The following ALG9 variants were observed in gnomAD, a reference collection of about 807,000 sequenced individuals.
The protein encoded by ALG9 is ALG9 alpha-1,2-mannosyltransferase.
In ALG9, 55 loss-of-function variants were observed where a neutral mutation model predicts 81.8. That is an observed-to-expected ratio of 0.67 (90% CI 0.54 to 0.84). The LOEUF is 0.84. ALG9 is among the 40% of genes least tolerant of loss of function. The pLI is 0.00. For missense variants in ALG9, 629 were observed against 745.0 expected, an observed-to-expected ratio of 0.84 and a Z score of 1.81; for synonymous variants, 278 against 274.3, an observed-to-expected ratio of 1.01 and a Z score of -0.13.
chr11:111,827,350 C>T (rs1953505967), intron 13 of ALG9, among the ~76,000 whole-genome samples: 1 of 152,078 alleles, frequency 6.6e-6, no homozygotes, highest in Non-Finnish European at 1.5e-5. Context: ...GTGGCGCATG[C>T]CTGTAATCCC....
chr11:111,871,559 G>C lies in ALG9; in HGVS notation c.-77C>G, dbSNP rs1964293399. ...CAGACATAGCTTTGGCTGGCAAACG[G>C]TGTCCGCCGAGGGACAAAAGACCTT... On this transcript the variant is annotated 5_prime_UTR_variant, in exon 1 of 15. Coordinates refer to ENST00000616540, the MANE Select transcript of ALG9 (RefSeq NM_024740.2). 6.5e-7 allele frequency: 1 copy of C among 1,532,796 alleles called. No individual in the cohort carries two copies. 94.9% of individuals were successfully genotyped at this position (1,532,796 alleles called of 1,614,324 possible). A position where few individuals can be genotyped will look rare whatever the true frequency, so the allele number is the denominator to read the frequency against.
intron 9 of ALG9, among the ~76,000 whole-genome samples, chr11:111,842,794 G>A (rs2136915390): frequency 6.6e-6 from 1 of 152,140 alleles, no homozygotes; most frequent in Admixed American, 6.5e-5. Flanking sequence ...AACAGAAAAT[G>A]TTTTCTTACT....
At chr11:111,778,120 C>T (rs1197513731), downstream of ALG9, 1 of 152,112 alleles carries the variant, frequency 6.6e-6, no homozygotes, top group Non-Finnish European at 1.5e-5. Flanking sequence ...TTAATATTCA[C>T]ACCTTCTTTT....
At chr11:111,828,416 C>T (rs1251974935) in intron 13 of ALG9, among the ~76,000 whole-genome samples, 1 of 152,186 alleles carries the variant, frequency 6.6e-6, no homozygotes. Flanking sequence ...AGTTTAATAA[C>T]GTACTTGCCT....
Position 111,810,576 on chromosome 11 carries a change from C to T in ALG9, c.1603-803G>A, listed in dbSNP as rs370089822. ...TTCAAGACTAGCCTGAGCAATATGG[C>T]GAAACCCCATCTCTTTAAAAAATAC... On this transcript the variant is annotated intron_variant, in intron 13 of 14. Transcript: ENST00000616540. 6.6e-5 allele frequency among the ~76,000 whole-genome samples: 10 copies of T among 151,934 alleles called. No homozygotes were observed. In the East Asian group the frequency reaches 1.7e-3, roughly 26 times the overall value.
rs1950668458 is a variant in ALG9 at position 111,811,285 on chromosome 11, G to A, written c.1603-1512C>T. On this transcript the variant is annotated intron_variant, in intron 13 of 14. Transcript: ENST00000616540. ...TGGCTGGGCACGGTGGCTCACGCCT[G>A]TAATCCCAGCACTTTGGGAGGCCCA... is the stretch of plus-strand genomic sequence containing the variant. Among the ~76,000 whole-genome samples the A allele has an allele frequency of 2.0e-5, 3 of 152,312 alleles. No homozygotes were observed. The South Asian group carries it at 6.2e-4, about 32-fold the overall frequency.
downstream of ALG9, among the ~76,000 whole-genome samples, chr11:111,781,926 G>T (rs1040259917): frequency 6.6e-6 from 1 of 152,192 alleles, no homozygotes; most frequent in Non-Finnish European, 1.5e-5. Context: ...GATAACAGGC[G>T]TGAGCCACTA....
At chr11:111,868,494 A>G in intron 3 of ALG9, 108 bp downstream of exon 3, 1 of 1,394,830 alleles carries the variant, frequency 7.2e-7, no homozygotes, top group Non-Finnish European at 9.7e-7. Flanking sequence ...TTCTTCTTCA[A>G]AAAAAGTTCC....
At chr11:111,859,371 G>T in intron 5 of ALG9, among the ~76,000 whole-genome samples, 1 of 151,884 alleles carries the variant, frequency 6.6e-6, no homozygotes, top group East Asian at 1.9e-4. Flanking sequence ...GCGTGGTGGT[G>T]CACGCCTGTA....
intron 1 of ALG9, chr11:111,871,004 A>G: frequency 9.6e-7 from 1 of 1,040,714 alleles, no homozygotes; most frequent in Non-Finnish European, 1.2e-6. Flanking sequence ...AAGGGTCGGG[A>G]CTTGAGGGAG....
downstream of ALG9, among the ~76,000 whole-genome samples, chr11:111,780,361 A>G (rs1450774981): frequency 6.6e-6 from 1 of 151,508 alleles, no homozygotes; most frequent in East Asian, 1.9e-4. Context: ...TGAGTACTAC[A>G]GGCAGGATTT....
chr11:111,788,971 C>T (rs989731591), intron 14 of ALG9, among the ~76,000 whole-genome samples: 12 of 151,882 alleles, frequency 7.9e-5, no homozygotes, highest in Non-Finnish European at 1.6e-4. Context: ...AGTATAACCT[C>T]AGGGTCCAGT....
At chr11:111,819,439 T>A (rs1202561183) in intron 13 of ALG9, among the ~76,000 whole-genome samples, 1 of 152,226 alleles carries the variant, frequency 6.6e-6, no homozygotes, top group Non-Finnish European at 1.5e-5. Context: ...CTGAAAATCC[T>A]CTGGTAAACA....
intron 8 of ALG9, among the ~76,000 whole-genome samples, chr11:111,847,351 T>C (rs1486507599): frequency 3.9e-5 from 6 of 152,218 alleles, no homozygotes; most frequent in Admixed American, 2.6e-4. Flanking sequence ...TCTGAAACTT[T>C]CCATCCAGTG....
intron 11 of ALG9, 147 bp from the exon 12 acceptor site, chr11:111,837,762 T>C: frequency 2.2e-6 from 2 of 925,304 alleles, no homozygotes; most frequent in Non-Finnish European, 3.4e-6. Flanking sequence ...AAGCCTGCTC[T>C]GCAGGTATAA....
In ALG9 at chr11:111,793,537, G is replaced by A. The variant is rs1224263653; in HGVS notation, c.1734-7017C>T. 2.0e-5 allele frequency among the ~76,000 whole-genome samples: 3 copies of A among 152,192 alleles called. No homozygotes were observed. In the East Asian group the frequency reaches 5.8e-4, roughly 29 times the overall value. On this transcript the variant is annotated intron_variant, in intron 14 of 14. Coordinates refer to ENST00000616540, the MANE Select transcript of ALG9 (RefSeq NM_024740.2). ...AGCACTTTGGGAGGCCGAGGCGGGC[G>A]GATCACAAGGTCAGGAGAGCAAGAC...
At chr11:111,807,435 C>G (rs1369076528) in intron 14 of ALG9, among the ~76,000 whole-genome samples, 1 of 152,174 alleles carries the variant, frequency 6.6e-6, no homozygotes, top group Non-Finnish European at 1.5e-5. Flanking sequence ...ATCATCTTTT[C>G]ATTGAGGCCG....
At chr11:111,827,596 GTGGCTCAC>G (rs1555109707) in intron 13 of ALG9, among the ~76,000 whole-genome samples, 2 of 152,256 alleles carry the variant, frequency 1.3e-5, no homozygotes, top group Admixed American at 6.5e-5. Context: ...CCCAGGCACA[GTGGCTCAC>G]GCCTATAATC....
downstream of ALG9, among the ~76,000 whole-genome samples, chr11:111,778,010 G>T (rs1029040522): frequency 2.2e-4 from 33 of 152,206 alleles, no homozygotes; most frequent in African/African-American, 7.7e-4. Context: ...ACTAACAAAG[G>T]TAAAATAGGG....
Sources: gnomAD v4.1 joint callset for allele counts (sites outside exome capture counted in the v4.1 genomes callset) on GRCh38, gnomAD v4.1.1 for gene constraint, MANE v1.5 for transcripts, NCBI Gene and HGNC (gene_info 2026-07-23, HGNC 2026-07-21) for gene names.